CFAP299: variants seen among roughly 807,000 people sequenced by gnomAD.
CFAP299 encodes the protein cilia and flagella associated protein 299.
CFAP299 carries 21 observed loss-of-function variants against 27.0 expected under a neutral mutation model. That is an observed-to-expected ratio of 0.78 (90% CI 0.55 to 1.12). The LOEUF is 1.12. Among genes scored for constraint, CFAP299 ranks in the 50% most tolerant of loss-of-function variants. CFAP299 has a pLI of 0.00. For synonymous variants in CFAP299, 104 were observed against 98.1 expected (o/e 1.06, Z -0.36); for missense variants, 310 against 276.6 (o/e 1.12, Z -0.86).
intron 3 of CFAP299, among the ~76,000 whole-genome samples, chr4:80,813,156 C>G (rs944841721): frequency 6.6e-6 from 1 of 151,914 alleles, no homozygotes; most frequent in Non-Finnish European, 1.5e-5. Flanking sequence ...CCTATATGCA[C>G]AAATGTTGAT....
chr4:80,353,499 A>G (rs766691467), intron 1 of CFAP299, among the ~76,000 whole-genome samples: 1 of 152,242 alleles, frequency 6.6e-6, no homozygotes, highest in African/African-American at 2.4e-5. Flanking sequence ...ACATTAAGAA[A>G]TGTGGTATTA....
At chr4:80,327,416 A>G in the CFAP299 span, among the ~76,000 whole-genome samples, 2 of 151,816 alleles carry the variant, frequency 1.3e-5, no homozygotes, top group African/African-American at 4.8e-5. Context: ...AAGCCAAGGG[A>G]ATGATTTTGG....
At chr4:80,348,790 C>T (rs1360052348) in intron 1 of CFAP299, among the ~76,000 whole-genome samples, 6 of 152,296 alleles carry the variant, frequency 3.9e-5, no homozygotes, top group Middle Eastern at 3.4e-3. Flanking sequence ...ACCGAGGAAT[C>T]CCAAACTAAT....
intron 1 of CFAP299, among the ~76,000 whole-genome samples, chr4:80,340,109 G>T (rs534746569): frequency 1.3e-5 from 2 of 152,128 alleles, no homozygotes; most frequent in South Asian, 4.1e-4. Context: ...AGTGAATTTG[G>T]CACCTTCAAC....
chr4:80,942,094 C>T (rs969479419), intron 4 of CFAP299, among the ~76,000 whole-genome samples: 6 of 152,150 alleles, frequency 3.9e-5, no homozygotes, highest in African/African-American at 1.4e-4. Flanking sequence ...GATGGGCCCA[C>T]ACTAGTAGTG....
intron 2 of CFAP299, among the ~76,000 whole-genome samples, chr4:80,484,303 G>A (rs1318973259): frequency 6.6e-6 from 1 of 152,000 alleles, no homozygotes; most frequent in Non-Finnish European, 1.5e-5. Context: ...ACTTCTGGAA[G>A]TTGTTCAGAA....
At chr4:80,389,621 G>C (rs1316781819) in intron 2 of CFAP299, among the ~76,000 whole-genome samples, 3 of 152,094 alleles carry the variant, frequency 2.0e-5, no homozygotes, top group Non-Finnish European at 4.4e-5. Context: ...GAGGAGAAAG[G>C]CTTGACTCTA....
chr4:80,954,824 G>A (rs1737971240), intron 5 of CFAP299, among the ~76,000 whole-genome samples: 12 of 151,142 alleles, frequency 7.9e-5, no homozygotes, highest in Admixed American at 7.3e-4. Context: ...AAGGGGAAAC[G>A]CTGTCTCTAC....
intron 2 of CFAP299, among the ~76,000 whole-genome samples, chr4:80,537,250 T>G (rs1316340655): frequency 6.6e-6 from 1 of 152,048 alleles, no homozygotes; most frequent in Non-Finnish European, 1.5e-5. Flanking sequence ...TATAAATGGG[T>G]ACAGCCATTA....
intron 4 of CFAP299, among the ~76,000 whole-genome samples, chr4:80,914,708 G>A (rs1361834529): frequency 6.6e-6 from 1 of 152,150 alleles, no homozygotes; most frequent in Non-Finnish European, 1.5e-5. Context: ...AGCTTTGATA[G>A]TTTGTATCTT....
At chr4:80,463,486 C>T (rs565771245) in intron 2 of CFAP299, among the ~76,000 whole-genome samples, 1 of 152,238 alleles carries the variant, frequency 6.6e-6, no homozygotes, top group African/African-American at 2.4e-5. Flanking sequence ...GTTTGGGCTG[C>T]CGTAACAAAA....
chr4:80,657,078 T>C (rs1740594809), intron 3 of CFAP299, among the ~76,000 whole-genome samples: 1 of 151,358 alleles, frequency 6.6e-6, no homozygotes, highest in Admixed American at 6.6e-5. Context: ...AGTTATTTGT[T>C]TTTTTTTTCT....
the CFAP299 span, among the ~76,000 whole-genome samples, chr4:80,327,753 AGAAAGC>A: frequency 2.9e-5 from 4 of 140,282 alleles, no homozygotes; most frequent in South Asian, 2.3e-4. Flanking sequence ...ATATATGTTG[AGAAAGC>A]TAAACTAGCT....
intron 2 of CFAP299, among the ~76,000 whole-genome samples, chr4:80,537,458 A>T (rs958149472): frequency 1.3e-5 from 2 of 152,166 alleles, no homozygotes; most frequent in African/African-American, 4.8e-5. Flanking sequence ...GTGCATGAAT[A>T]AATAAAGAAA....
At chr4:80,496,878 A>G (rs930430752) in intron 2 of CFAP299, among the ~76,000 whole-genome samples, 1 of 152,148 alleles carries the variant, frequency 6.6e-6, no homozygotes, top group African/African-American at 2.4e-5. Flanking sequence ...GAGTAGGCAT[A>G]TCACATGGTG....
chr4:80,957,809 C>T (rs892916302), intron 5 of CFAP299, among the ~76,000 whole-genome samples: 1 of 152,150 alleles, frequency 6.6e-6, no homozygotes, highest in African/African-American at 2.4e-5. Context: ...GGCAGTCTGT[C>T]TCCTTTCCTC....
chr4:80,766,472 G>T (rs1725868876), intron 3 of CFAP299, among the ~76,000 whole-genome samples: 1 of 152,108 alleles, frequency 6.6e-6, no homozygotes, highest in African/African-American at 2.4e-5. Context: ...GACTAGTTTT[G>T]TTTCATTTAT....
chr4:80,698,309 T>C (rs956590482), intron 3 of CFAP299, among the ~76,000 whole-genome samples: 2 of 152,204 alleles, frequency 1.3e-5, no homozygotes, highest in African/African-American at 4.8e-5. Context: ...CACAATGGGC[T>C]CCTTACAGCC....
intron 2 of CFAP299, among the ~76,000 whole-genome samples, chr4:80,581,909 C>G (rs1280305357): frequency 1.3e-5 from 2 of 151,884 alleles, no homozygotes; most frequent in East Asian, 3.9e-4. Flanking sequence ...ACAAACCTTC[C>G]CTGAAAGGGG....
Sources: gnomAD v4.1 joint callset for allele counts (sites outside exome capture counted in the v4.1 genomes callset) on GRCh38, gnomAD v4.1.1 for gene constraint, MANE v1.5 for transcripts, NCBI Gene and HGNC (gene_info 2026-07-23, HGNC 2026-07-21) for gene names.